Variants in EPHA7 observed in about 807,000 individuals in gnomAD.
EPHA7 encodes the protein EPH receptor A7, also known as ephrin type-A receptor 7.
EPHA7 carries 25 observed loss-of-function variants against 112.6 expected under a neutral mutation model. The ratio of observed to expected loss-of-function variants is 0.22; its 90% confidence interval spans 0.16 to 0.31. The LOEUF (loss-of-function observed/expected upper bound fraction) is 0.31, where lower values mean the gene tolerates loss of function less well. EPHA7 is among the 10% of genes least tolerant of loss of function. The probability of loss-of-function intolerance (pLI) is 1.00; values close to 1 mark genes in which losing one functional copy is unlikely to be tolerated. For missense variants in EPHA7, 962 were observed against 1,212.6 expected (o/e 0.79, Z 3.07); for synonymous variants, 437 against 406.5 (o/e 1.07, Z -0.90).
chr6:93,245,044 A>T (rs1769883990), intron 16 of EPHA7, among the ~76,000 whole-genome samples: 1 of 152,218 alleles, frequency 6.6e-6, no homozygotes, highest in African/African-American at 2.4e-5. Flanking sequence ...TCTGAACTTT[A>T]GCCTTGTTGG....
chr6:93,305,048 C>T (rs1390737371), intron 5 of EPHA7, among the ~76,000 whole-genome samples: 1 of 151,858 alleles, frequency 6.6e-6, no homozygotes. Context: ...TGTTGTCTGC[C>T]CCACCTCACT....
chr6:93,288,240 T>G (rs1582454227), intron 5 of EPHA7, among the ~76,000 whole-genome samples: 1 of 152,096 alleles, frequency 6.6e-6, no homozygotes, highest in Non-Finnish European at 1.5e-5. Flanking sequence ...AAGTGCTCAA[T>G]ACAAATGGAT....
At chr6:93,417,003 G>C (rs958256386) in intron 1 of EPHA7, among the ~76,000 whole-genome samples, 6 of 151,032 alleles carry the variant, frequency 4.0e-5, no homozygotes, top group South Asian at 2.1e-4. Flanking sequence ...AAGGAGTCGG[G>C]AAGAGGAGAG....
At chr6:93,389,604 T>A (rs187450849) in intron 3 of EPHA7, among the ~76,000 whole-genome samples, 12 of 152,202 alleles carry the variant, frequency 7.9e-5, no homozygotes, top group Admixed American at 7.9e-4. Context: ...ATCATTAAAT[T>A]CTTGTCAGAG....
At chr6:93,297,169 T>C (rs1332033737) in intron 5 of EPHA7, among the ~76,000 whole-genome samples, 7 of 152,090 alleles carry the variant, frequency 4.6e-5, no homozygotes, top group Non-Finnish European at 2.9e-5. Flanking sequence ...AAAGGCACTC[T>C]ATATAATTAC....
chr6:93,381,233 T>C (rs1308168547), intron 3 of EPHA7, among the ~76,000 whole-genome samples: 1 of 152,202 alleles, frequency 6.6e-6, no homozygotes, highest in Non-Finnish European at 1.5e-5. Flanking sequence ...TGAGAAACTT[T>C]AGTGCAATAA....
In EPHA7 at chr6:93,419,252, C is replaced by T. The variant is rs775750956; in HGVS notation, c.90G>A (p.Ala30=). 4 of 1,613,320 alleles carry T rather than the reference C, an allele frequency of 2.5e-6. No individual in the cohort carries two copies. Among genetic ancestry groups the T allele is most frequent in the Non-Finnish European group, 3.4e-6 (4 of 1,179,510 alleles). Residue 30 remains alanine (A), a synonymous_variant, in exon 1 of 17, where the codon GCG becomes GCA. Coordinates refer to ENST00000369303, the MANE Select transcript of EPHA7 (RefSeq NM_004440.4). ...GCTTTCCCATCACCTTACCTTCCTT[C>T]GCAGCCTGCGCCTCCCCTGTGTGTG... ...RFAHTGEAQA[A]KEVLLLDSKA...
intron 5 of EPHA7, among the ~76,000 whole-genome samples, chr6:93,330,571 T>A (rs954759530): frequency 1.3e-5 from 2 of 151,364 alleles, no homozygotes; most frequent in Admixed American, 6.6e-5. Context: ...TCACTTAACA[T>A]AATGTCCTCC....
In EPHA7 at chr6:93,241,944, T is replaced by A; in HGVS notation, c.*1482A>T. ...ATCAAACAAGACCAATTATGACCGA[T>A]CCCTGGGATCTTTCTCTATTAAAAT... On this transcript the variant is annotated 3_prime_UTR_variant, in exon 17 of 17. Transcript: ENST00000369303. The A allele has an allele frequency of 4.6e-6, 1 of 215,662 alleles. No homozygotes were observed. The highest frequency in any genetic ancestry group is 6.9e-5 in the East Asian group (1 of 14,520). 13.4% of individuals were successfully genotyped at this position (215,662 alleles called of 1,614,324 possible).
chr6:93,408,176 C>T (rs13208349), intron 3 of EPHA7, among the ~76,000 whole-genome samples: 18,229 of 151,912 alleles, frequency 0.12, 1,465 homozygotes, highest in Middle Eastern at 0.21. Flanking sequence ...ATTTCTACTT[C>T]GTTATTTTTC....
chr6:93,246,876 G>C lies in EPHA7; in HGVS notation c.2642C>G (p.Pro881Arg). ...AATTCCAACTATCTGTTCAAATTTT[G>C]GCCTTTCAGCACGCTCCTTTTGCCA... is the stretch of plus-strand genomic sequence containing the variant. ...DCWQKERAERPKFEQIVGILD... is the reference protein window; with the variant it reads ...DCWQKERAERRKFEQIVGILD... The change falls in exon 15 of 17, where the codon CCA (proline) becomes CGA (arginine). Residue 881 changes from proline (P) to arginine (R), a missense_variant. Transcript: ENST00000369303. 1 of 1,613,790 alleles carries C rather than the reference G, an allele frequency of 6.2e-7. No homozygotes were observed. The highest frequency in any genetic ancestry group is 8.5e-7 in the Non-Finnish European group (1 of 1,179,778).
chr6:93,376,872 C>A (rs1777085507), intron 3 of EPHA7, among the ~76,000 whole-genome samples: 1 of 152,118 alleles, frequency 6.6e-6, no homozygotes, highest in Admixed American at 6.6e-5. Flanking sequence ...GCTCGGATGT[C>A]TATGTTTCCT....
intron 5 of EPHA7, among the ~76,000 whole-genome samples, chr6:93,303,162 T>G (rs1773078082): frequency 6.6e-6 from 1 of 152,180 alleles, no homozygotes; most frequent in South Asian, 2.1e-4. Context: ...GCTGTCTCAG[T>G]GGAAACTTCA....
intron 3 of EPHA7, among the ~76,000 whole-genome samples, chr6:93,367,997 T>C (rs1212758443): frequency 1.3e-5 from 2 of 152,120 alleles, no homozygotes; most frequent in Admixed American, 6.6e-5. Context: ...CCAGTATTCA[T>C]TCCTCGACCA....
intron 5 of EPHA7, among the ~76,000 whole-genome samples, chr6:93,310,434 A>G (rs1175767048): frequency 6.6e-6 from 1 of 152,160 alleles, no homozygotes; most frequent in Non-Finnish European, 1.5e-5. Context: ...TGGGAGTCCA[A>G]GTTGCGTGGA....
chr6:93,330,717 T>C (rs765697373), intron 5 of EPHA7, among the ~76,000 whole-genome samples: 27 of 151,394 alleles, frequency 1.8e-4, no homozygotes, highest in South Asian at 8.3e-4. Flanking sequence ...TTTCATATCT[T>C]CGCTATTGTG....
intron 14 of EPHA7, among the ~76,000 whole-genome samples, chr6:93,252,328 C>A (rs1770252689): frequency 6.6e-6 from 1 of 151,914 alleles, no homozygotes; most frequent in Admixed American, 6.6e-5. Flanking sequence ...TTCCTAGCAA[C>A]TAAATTTTAA....
chr6:93,416,268 A>C (rs936386926), intron 1 of EPHA7, among the ~76,000 whole-genome samples: 1 of 152,170 alleles, frequency 6.6e-6, no homozygotes, highest in African/African-American at 2.4e-5. Context: ...ACAGACATGA[A>C]GCACAGGGAA....
chr6:93,284,339 A>C (rs940470815), intron 5 of EPHA7, among the ~76,000 whole-genome samples: 1 of 151,688 alleles, frequency 6.6e-6, no homozygotes, highest in African/African-American at 2.4e-5. Flanking sequence ...TTTCAAAATC[A>C]TCATTCTGGT....
Sources: gnomAD v4.1 joint callset for allele counts (sites outside exome capture counted in the v4.1 genomes callset) on GRCh38, gnomAD v4.1.1 for gene constraint, MANE v1.5 for transcripts, NCBI Gene and HGNC (gene_info 2026-07-23, HGNC 2026-07-21) for gene names.